The following DENND2C variants were observed in gnomAD, a reference collection of about 807,000 sequenced individuals.
DENND2C encodes the protein DENN domain-containing protein 2C.
Under a neutral mutation model 112.4 loss-of-function variants are expected in DENND2C, and 72 were observed. The ratio of observed to expected loss-of-function variants is 0.64; its 90% CI spans 0.53 to 0.78. The LOEUF is 0.78. DENND2C is among the 30% of genes least tolerant of loss of function. DENND2C has a pLI of 0.00. For synonymous variants in DENND2C, 329 were observed against 381.6 expected (o/e 0.86, Z 1.61); for missense variants, 992 against 1,113.8 (o/e 0.89, Z 1.56).
At position 114,594,460 on chromosome 1, in the gene DENND2C, A is replaced by G; in HGVS notation, c.2431+13T>C. The G allele has an allele frequency of 6.2e-7, 1 of 1,606,798 alleles. No homozygotes were observed. The highest frequency in any genetic ancestry group is 1.1e-5 in the South Asian group (1 of 90,928). ...ACCCTTAACCTTAAGTCCTTGGCTC[A>G]CTTGTCTCATACCTTGTGAAAAATT... On this transcript the variant is annotated intron_variant, in intron 18 of 20. Transcript: ENST00000393274.
chr1:114,629,771 A>G (rs1656438562), intron 3 of DENND2C, among the ~76,000 whole-genome samples: 1 of 152,236 alleles, frequency 6.6e-6, no homozygotes, highest in Admixed American at 6.5e-5. Flanking sequence ...TTTTTAACAT[A>G]TTAAGAGAAA....
chr1:114,589,544 A>AT (rs952118600), intron 18 of DENND2C, among the ~76,000 whole-genome samples: 4 of 149,032 alleles, frequency 2.7e-5, no homozygotes, highest in African/African-American at 4.9e-5. Flanking sequence ...TTTTTAATTA[A>AT]TTTTTTTTTG....
chr1:114,607,343 C>A lies in DENND2C; in HGVS notation c.1557+1343G>T, dbSNP rs182117911. Among the ~76,000 whole-genome samples the A allele has an allele frequency of 3.9e-5, 6 of 152,294 alleles. No individual in the cohort carries two copies. In the East Asian group the frequency reaches 1.2e-3, roughly 29 times the overall value. On this transcript the variant is annotated intron_variant, in intron 10 of 20. Transcript: ENST00000393274. Reference sequence around the variant, plus strand: ...ACGCAGGGCCCTTCTGAGTGAGGGCCTTATGTAACTACACTGGTCACCTGC... The same window carrying A: ...ACGCAGGGCCCTTCTGAGTGAGGGCATTATGTAACTACACTGGTCACCTGC...
At chr1:114,590,141 C>A (rs539577704) in intron 18 of DENND2C, among the ~76,000 whole-genome samples, 1 of 152,134 alleles carries the variant, frequency 6.6e-6, no homozygotes, top group Non-Finnish European at 1.5e-5. Context: ...TGCCTGTAAT[C>A]CCAACACTTC....
chr1:114,613,618 T>C (rs1195043115), intron 8 of DENND2C, among the ~76,000 whole-genome samples: 2 of 152,110 alleles, frequency 1.3e-5, no homozygotes, highest in African/African-American at 4.8e-5. Context: ...AGGTATCTCT[T>C]AGAAACTTAG....
At chr1:114,664,890 C>T (rs553834126) in intron 1 of DENND2C, among the ~76,000 whole-genome samples, 225 of 151,034 alleles carry the variant, frequency 1.5e-3, no homozygotes, top group African/African-American at 4.8e-3. Context: ...GTCAGGAGTT[C>T]GAGACCAGCC....
chr1:114,586,684 C>CATTTATTTTTTATTTTT (rs918311234), intron 20 of DENND2C: 4 of 149,554 alleles, frequency 2.7e-5, no homozygotes, highest in Non-Finnish European at 4.5e-5. Context: ...TTTTCAGCCA[C>CATTTATTTTTTATTTTT]ATTTATTTTT....
chr1:114,588,697 C>A (rs1029908982), intron 18 of DENND2C: 7 of 152,198 alleles, frequency 4.6e-5, no homozygotes, highest in Admixed American at 3.3e-4. Flanking sequence ...TAAAGCTAAA[C>A]CCATTATATT....
Position 114,605,029 on chromosome 1 carries a change from A to G in DENND2C, c.1560T>C (p.Asp520=), listed in dbSNP as rs773778655. ...PQVIQQFPGK[D]DHGYKQSKDM... is the part of the protein sequence containing the mutation. ...CTTTGGACTGCTTATAGCCATGATC[A>G]TCCTGAAAAAGATAACACCATAGGT... Residue 520 remains aspartate, a splice_region_variant and synonymous_variant, in exon 11 of 21, where the codon GAT becomes GAC. Transcript: ENST00000393274. 1 of 1,608,960 alleles carries G rather than the reference A, an allele frequency of 6.2e-7. No homozygotes were observed. Among genetic ancestry groups the G allele is most frequent in the Non-Finnish European group, 8.5e-7 (1 of 1,177,064 alleles).
At chr1:114,601,391 G>A (rs1252103018) in intron 13 of DENND2C, 117 bp downstream of exon 13, 16 of 938,960 alleles carry the variant, frequency 1.7e-5, no homozygotes, top group Non-Finnish European at 2.4e-5. Flanking sequence ...CTTCAGGCAC[G>A]TGGTTCCTAG....
intron 12 of DENND2C, 52 bp downstream of exon 12, chr1:114,602,073 G>C (rs2101649075): frequency 6.4e-7 from 1 of 1,568,158 alleles, no homozygotes; most frequent in Non-Finnish European, 8.8e-7. Context: ...TTCCTACTCT[G>C]ACTCAATTAT....
intron 3 of DENND2C, among the ~76,000 whole-genome samples, chr1:114,631,811 A>G (rs951886691): frequency 3.9e-5 from 6 of 152,098 alleles, no homozygotes; most frequent in Non-Finnish European, 8.8e-5. Context: ...TAGAACCAAA[A>G]TAATACAAAA....
chr1:114,649,395 G>GT (rs1657094693), intron 2 of DENND2C, among the ~76,000 whole-genome samples: 1 of 151,934 alleles, frequency 6.6e-6, no homozygotes, highest in African/African-American at 2.4e-5. Context: ...GTTTTGTTTT[G>GT]TTTTTGAGAT....
At chr1:114,590,706 A>G (rs170307) in intron 18 of DENND2C, among the ~76,000 whole-genome samples, 130,994 of 149,636 alleles carry the variant, frequency 0.88, 57,785 homozygotes, top group African/African-American at 0.96. Flanking sequence ...TGAACCCCGG[A>G]GGGTGGAGCC....
chr1:114,594,718 C>T, intron 17 of DENND2C, 140 bp from the exon 18 acceptor site: 2 of 613,454 alleles, frequency 3.3e-6, no homozygotes, highest in Non-Finnish European at 5.7e-6. Flanking sequence ...AAGTCTCCTT[C>T]CCTACATGAA....
intron 3 of DENND2C, among the ~76,000 whole-genome samples, chr1:114,634,360 G>T (rs1656587741): frequency 6.6e-6 from 1 of 151,986 alleles, no homozygotes; most frequent in Non-Finnish European, 1.5e-5. Flanking sequence ...TTGAGACAGA[G>T]TCTCACTCTG....
intron 2 of DENND2C, among the ~76,000 whole-genome samples, chr1:114,648,514 T>C (rs1244589712): frequency 6.6e-6 from 1 of 152,198 alleles, no homozygotes; most frequent in Non-Finnish European, 1.5e-5. Flanking sequence ...AAGAGAAGAA[T>C]TACAATTTAT....
chr1:114,584,292 G>A lies in DENND2C; in HGVS notation c.*1308C>T, dbSNP rs970358390. ...TCTTTTCCTTTTTTCTTTTTTTTGA[G>A]ATGGAGTCTCGCTCTGTCACCCTGG... On this transcript the variant is annotated 3_prime_UTR_variant, in exon 21 of 21. Transcript: ENST00000393274. 13 of 151,112 alleles carry A rather than the reference G, an allele frequency of 8.6e-5. No individual in the cohort carries two copies. Among genetic ancestry groups the A allele is most frequent in the African/African-American group, 3.2e-4 (13 of 41,008 alleles). The allele number at this position is 151,112 out of a possible 1,614,324, so 9.4% of individuals were successfully genotyped here. A position where few individuals can be genotyped will look rare whatever the true frequency, so the allele number is the denominator to read the frequency against.
At position 114,584,497 on chromosome 1, in the gene DENND2C, A is replaced by G. The variant is rs1359763759; in HGVS notation, c.*1103T>C. ...TCACCATGTTGCCAGGCTGGTCTCG[A>G]ACTCCTGACCTCAAATGATCCACTC... On this transcript the variant is annotated 3_prime_UTR_variant, in exon 21 of 21. Transcript: ENST00000393274. 6.6e-6 allele frequency: 1 copy of G among 152,106 alleles called. No individual in the cohort carries two copies. Among genetic ancestry groups the G allele is most frequent in the Non-Finnish European group, 1.5e-5 (1 of 68,064 alleles). The allele number at this position is 152,106 out of a possible 1,614,324, so 9.4% of individuals were successfully genotyped here. A position where few individuals can be genotyped will look rare whatever the true frequency, so the allele number is the denominator to read the frequency against.
Sources: allele counts gnomAD v4.1 joint callset (sites outside exome capture counted in the v4.1 genomes callset), GRCh38; gene constraint gnomAD v4.1.1; transcripts MANE v1.5; gene names NCBI Gene and HGNC (gene_info 2026-07-23, HGNC 2026-07-21).